Variants in DACH2 observed in about 807,000 individuals in gnomAD.
DACH2 encodes dachshund family transcription factor 2, also known as dachshund homolog 2.
Under a neutral mutation model 35.8 loss-of-function variants are expected in DACH2, and 17 were observed. The observed-to-expected ratio is 0.48, with a 90% CI of 0.33 to 0.71. The LOEUF is 0.71. Among genes scored for constraint, DACH2 ranks in the 30% least tolerant of loss-of-function variants. DACH2 has a pLI of 0.02. For missense variants in DACH2, 469 were observed against 472.7 expected, an observed-to-expected ratio of 0.99 and a Z score of 0.07; for synonymous variants, 195 against 177.3, an observed-to-expected ratio of 1.10 and a Z score of -0.79.
At chrX:86,625,208 TAGTGTGTGTGTGTG>T (rs2040120400) in intron 3 of DACH2, among the ~76,000 whole-genome samples, 1 of 76,164 alleles carries the variant, frequency 1.3e-5, no homozygotes, top group African/African-American at 4.9e-5. Context: ...AAAACCTTCT[TAGTGTGTGTGTGTG>T]TGTGTGTGTG....
chrX:86,464,202 T>C (rs1382020230), intron 2 of DACH2, among the ~76,000 whole-genome samples: 2 of 111,434 alleles, frequency 1.8e-5, no homozygotes, highest in African/African-American at 6.5e-5. Flanking sequence ...ATCATTCTAC[T>C]ATAAAGACAC....
At chrX:86,793,622 C>T (rs2042208595) in intron 7 of DACH2, among the ~76,000 whole-genome samples, 1 of 111,637 alleles carries the variant, frequency 9.0e-6, no homozygotes, top group South Asian at 3.7e-4. Context: ...AATTTCAATT[C>T]CAAAAATTCT....
In DACH2 at chrX:86,624,047, C is replaced by CA. The variant is rs1466830603; in HGVS notation, c.641-26982dup. Among the ~76,000 whole-genome samples, 71 of 16,296 alleles carry CA rather than the reference C, an allele frequency of 4.4e-3. 4 individuals are homozygous for CA. The highest frequency in any genetic ancestry group is 0.019 in the African/African-American group (65 of 3,479). 14.2% of individuals were successfully genotyped at this position (16,296 alleles called of 115,157 possible). A position where few individuals can be genotyped will look rare whatever the true frequency, so the allele number is the denominator to read the frequency against. On this transcript the variant is annotated intron_variant, in intron 3 of 11. Coordinates refer to ENST00000373125, the MANE Select transcript of DACH2 (RefSeq NM_053281.3). The stretch of plus-strand genomic sequence containing the variant: ...TGGGCGACAGAGCGAAACTCCGTCT[C>CA]AAAAAAACAAAACAAAAAAAAAAAA...
intron 11 of DACH2, among the ~76,000 whole-genome samples, chrX:86,818,116 C>T (rs1280397766): frequency 9.0e-6 from 1 of 111,491 alleles, no homozygotes; most frequent in East Asian, 2.8e-4. Flanking sequence ...TTTTATATTA[C>T]ATTAAATAAG....
chrX:86,274,521 A>AGTCTTGCG (rs60472615), intron 1 of DACH2, among the ~76,000 whole-genome samples: 1 of 64,265 alleles, frequency 1.6e-5, no homozygotes, highest in African/African-American at 6.6e-5. Context: ...TTTGAGACGG[A>AGTCTTGCG]TCTCGCTCTG....
At chrX:86,740,460 G>A (rs982546725) in intron 7 of DACH2, among the ~76,000 whole-genome samples, 1 of 103,720 alleles carries the variant, frequency 9.6e-6, no homozygotes, top group African/African-American at 3.5e-5. Flanking sequence ...CCATTAACTC[G>A]TCATTTAGCA....
At chrX:86,404,700 G>C (rs2036494672) in intron 2 of DACH2, among the ~76,000 whole-genome samples, 1 of 111,880 alleles carries the variant, frequency 8.9e-6, no homozygotes, top group Non-Finnish European at 1.9e-5. Context: ...CTGGAGAATG[G>C]TGTCCCTCTT....
intron 2 of DACH2, among the ~76,000 whole-genome samples, chrX:86,422,500 A>G (rs769743625): frequency 1.4e-4 from 16 of 110,459 alleles, no homozygotes; most frequent in Non-Finnish European, 2.5e-4. Flanking sequence ...TTTGAGTCTT[A>G]GTATGAATGG....
intron 6 of DACH2, among the ~76,000 whole-genome samples, chrX:86,731,279 G>A (rs923906151): frequency 1.3e-4 from 14 of 111,152 alleles, no homozygotes; most frequent in South Asian, 7.5e-4. Context: ...CATTTCTATC[G>A]TGGCAGATTT....
intron 1 of DACH2, among the ~76,000 whole-genome samples, chrX:86,155,812 A>G (rs2030526170): frequency 9.0e-6 from 1 of 111,014 alleles, no homozygotes; most frequent in East Asian, 2.8e-4. Flanking sequence ...AGAATAGGAA[A>G]ACAGTAAACA....
At chrX:86,303,338 G>T (rs764424752) in intron 1 of DACH2, among the ~76,000 whole-genome samples, 2 of 109,328 alleles carry the variant, frequency 1.8e-5, no homozygotes, top group Middle Eastern at 4.7e-3. Flanking sequence ...TTCTTTTTGC[G>T]TTCACTTTTT....
At position 86,695,137 on chromosome X, in the gene DACH2, C is replaced by A. The variant is rs754076988; in HGVS notation, c.889C>A (p.Pro297Thr). The change falls in exon 5 of 12, where the codon CCA becomes ACA. Residue 297 changes from proline to threonine, a missense_variant. By Grantham distance (38) the Pro-to-Thr change is conservative. Around this residue, in one of 3 missense-constraint regions of DACH2, gnomAD observed 363 missense variants for 334.4 expected, o/e 1.09. Coordinates refer to ENST00000373125, the MANE Select transcript of DACH2 (RefSeq NM_053281.3). ...TGGCCAGCCAGGCATTGGGGGTGCTCCAACCCTCAATCCACTGCAGCAGAA... is the reference window on the plus strand; with the variant it reads ...TGGCCAGCCAGGCATTGGGGGTGCTACAACCCTCAATCCACTGCAGCAGAA... ...LAGQPGIGGA[P>T]TLNPLQQNHL... 18 of 1,121,236 alleles carry A rather than the reference C, an allele frequency of 1.6e-5. No individual in the cohort carries two copies. Among genetic ancestry groups the A allele is most frequent in the Non-Finnish European group, 2.1e-5 (18 of 850,077 alleles). The allele number at this position is 1,121,236 out of a possible 1,213,427, so 92.4% of individuals were successfully genotyped here.
rs5902915 is a variant in DACH2, at chrX:86,780,170, C to CAA, written c.1241-32671_1241-32670dup. Among the ~76,000 whole-genome samples, 742 of 90,103 alleles carry CAA rather than the reference C, an allele frequency of 8.2e-3. 12 individuals are homozygous for CAA. The highest frequency in any genetic ancestry group is 0.051 in the Admixed American group (384 of 7,510). 78.2% of individuals were successfully genotyped at this position (90,103 alleles called of 115,157 possible). ...CAAGGGCATCAAAGAATATAAATAC[C>CAA]AAAAAAAAAAAAAAAACCCACCCAA... On this transcript the variant is annotated intron_variant, in intron 7 of 11. Transcript: ENST00000373125.
chrX:86,299,949 A>T (rs998695775), intron 1 of DACH2, among the ~76,000 whole-genome samples: 2 of 111,944 alleles, frequency 1.8e-5, no homozygotes, highest in Non-Finnish European at 3.8e-5. Context: ...TATGGGATAC[A>T]TGATAACTTT....
At chrX:86,240,500 G>A (rs1378657180) in intron 1 of DACH2, among the ~76,000 whole-genome samples, 3 of 107,039 alleles carry the variant, frequency 2.8e-5, no homozygotes, top group Non-Finnish European at 5.8e-5. Flanking sequence ...ACATAGTCTT[G>A]CTCTGTCACC....
intron 2 of DACH2, among the ~76,000 whole-genome samples, chrX:86,394,126 CT>C (rs755351873): frequency 9.2e-6 from 1 of 109,209 alleles, no homozygotes; most frequent in African/African-American, 3.3e-5. Flanking sequence ...ACATTAACTA[CT>C]TTTTTTTGTA....
chrX:86,316,535 C>T lies in DACH2; in HGVS notation c.489-60289C>T, dbSNP rs148849629. 6.2e-3 allele frequency among the ~76,000 whole-genome samples: 692 copies of T among 111,594 alleles called. 5 individuals are homozygous for T. Among genetic ancestry groups the T allele is most frequent in the African/African-American group, 0.021 (659 of 30,660 alleles). ...AGTTTTCTGCAGGGGACTCTTTTCA[C>T]TTGAACTGTCTACCCAAATAATTTC... On this transcript the variant is annotated intron_variant, in intron 1 of 11. Transcript: ENST00000373125.
At chrX:86,460,138 A>C (rs1032343800) in intron 2 of DACH2, among the ~76,000 whole-genome samples, 35 of 110,950 alleles carry the variant, frequency 3.2e-4, no homozygotes, top group Non-Finnish European at 5.1e-4. Flanking sequence ...AATTACTGTG[A>C]TTTCTTAACA....
At chrX:86,274,405 A>AAC (rs1407108847) in intron 1 of DACH2, among the ~76,000 whole-genome samples, 1 of 109,351 alleles carries the variant, frequency 9.1e-6, no homozygotes, top group African/African-American at 3.4e-5. Flanking sequence ...TTTAAGTTGT[A>AAC]ACATTGTCAT....
Sources: allele counts gnomAD v4.1 joint callset (sites outside exome capture counted in the v4.1 genomes callset), GRCh38; gene constraint gnomAD v4.1.1; regional missense constraint gnomAD v4.1.1; transcripts MANE v1.5; gene names NCBI Gene and HGNC (gene_info 2026-07-23, HGNC 2026-07-21).